RAB31: variants seen among roughly 807,000 people sequenced by gnomAD.
The protein encoded by RAB31 is ras-related protein Rab-31.
In RAB31, 21 loss-of-function variants were observed where a neutral mutation model predicts 25.6. The ratio of observed to expected loss-of-function variants is 0.82; its 90% CI spans 0.58 to 1.18. RAB31 has a LOEUF of 1.18. Ranked by LOEUF, RAB31 falls within the 50% of genes most tolerant of loss-of-function variation. The pLI is 0.00. For synonymous variants in RAB31, 87 were observed against 84.0 expected (o/e 1.04, Z -0.20); for missense variants, 196 against 250.1 (o/e 0.78, Z 1.46).
chr18:9,847,271 T>C (rs977146248), intron 6 of RAB31, among the ~76,000 whole-genome samples: 7 of 152,170 alleles, frequency 4.6e-5, no homozygotes, highest in African/African-American at 1.7e-4. Context: ...TTACAGGTGG[T>C]TTTAATGAAT....
chr18:9,725,106 G>A (rs555474075), intron 1 of RAB31, among the ~76,000 whole-genome samples: 2 of 152,300 alleles, frequency 1.3e-5, no homozygotes, highest in East Asian at 3.9e-4. Flanking sequence ...CTTGTCATAT[G>A]GTGGCTGGTT....
At chr18:9,757,978 AT>A (rs2068268321) in intron 1 of RAB31, 1 of 152,200 alleles carries the variant, frequency 6.6e-6, no homozygotes, top group Non-Finnish European at 1.5e-5. Context: ...AACAACCTTG[AT>A]GTTATCGTAC....
chr18:9,743,445 T>A (rs1422716851), intron 1 of RAB31, among the ~76,000 whole-genome samples: 1 of 152,164 alleles, frequency 6.6e-6, no homozygotes, highest in Non-Finnish European at 1.5e-5. Flanking sequence ...GTATTTAAAG[T>A]TACTGTTATT....
At chr18:9,779,625 G>T (rs2068391661) in intron 2 of RAB31, among the ~76,000 whole-genome samples, 1 of 152,152 alleles carries the variant, frequency 6.6e-6, no homozygotes, top group Admixed American at 6.5e-5. Flanking sequence ...CAATATTTGG[G>T]ACATGTGTAT....
chr18:9,828,521 A>G (rs1275172528), intron 5 of RAB31, among the ~76,000 whole-genome samples: 1 of 152,218 alleles, frequency 6.6e-6, no homozygotes, highest in Non-Finnish European at 1.5e-5. Flanking sequence ...CATAGTGTAC[A>G]CGGTCAAGTT....
chr18:9,812,496 T>C (rs1488649009), intron 3 of RAB31, among the ~76,000 whole-genome samples: 2 of 152,118 alleles, frequency 1.3e-5, no homozygotes, highest in Admixed American at 1.3e-4. Flanking sequence ...ACAGCACAAA[T>C]CTTTTTACAA....
chr18:9,740,616 G>A (rs1329656684), intron 1 of RAB31, among the ~76,000 whole-genome samples: 2 of 152,090 alleles, frequency 1.3e-5, no homozygotes, highest in Admixed American at 6.6e-5. Context: ...AGGAGGCTGA[G>A]GCAGGAGAAT....
At chr18:9,767,271 G>GT (rs1363651652) in intron 1 of RAB31, among the ~76,000 whole-genome samples, 1 of 151,988 alleles carries the variant, frequency 6.6e-6, no homozygotes, top group East Asian at 1.9e-4. Context: ...TTTGTGCTTA[G>GT]TTTTTTTTCT....
At chr18:9,747,100 G>A (rs549156116) in intron 1 of RAB31, among the ~76,000 whole-genome samples, 1 of 152,090 alleles carries the variant, frequency 6.6e-6, no homozygotes, top group Admixed American at 6.6e-5. Context: ...AATGAGCAAA[G>A]GATTTGAATA....
chr18:9,721,827 G>A (rs1167828361), intron 1 of RAB31, among the ~76,000 whole-genome samples: 1 of 152,096 alleles, frequency 6.6e-6, no homozygotes, highest in African/African-American at 2.4e-5. Context: ...GTGGCAGATG[G>A]TGAGGGGTGC....
At chr18:9,811,079 G>GCCGT (rs2068567812) in intron 3 of RAB31, among the ~76,000 whole-genome samples, 1 of 152,326 alleles carries the variant, frequency 6.6e-6, no homozygotes, top group Admixed American at 6.5e-5. Context: ...ACAGTGTTGG[G>GCCGT]CCGTCAGTGA....
intron 1 of RAB31, among the ~76,000 whole-genome samples, chr18:9,761,384 A>G (rs2068287944): frequency 6.6e-6 from 1 of 152,190 alleles, no homozygotes; most frequent in African/African-American, 2.4e-5. Context: ...TAAACCTGTA[A>G]CAAGCCTGGA....
intron 5 of RAB31, among the ~76,000 whole-genome samples, chr18:9,823,522 A>G (rs1362731569): frequency 6.6e-6 from 1 of 152,216 alleles, no homozygotes. Context: ...AAACTGGGCG[A>G]AGTGTATGAG....
intron 1 of RAB31, among the ~76,000 whole-genome samples, chr18:9,717,765 T>G (rs1220507438): frequency 6.6e-6 from 1 of 152,188 alleles, no homozygotes; most frequent in African/African-American, 2.4e-5. Flanking sequence ...CACATAAAAT[T>G]TGCCCACTGC....
chr18:9,786,347 T>C (rs1218135230), intron 2 of RAB31, among the ~76,000 whole-genome samples: 4 of 152,242 alleles, frequency 2.6e-5, no homozygotes, highest in African/African-American at 9.6e-5. Flanking sequence ...ATCTGTATGC[T>C]TTGCAGTATC....
At chr18:9,778,195 C>T (rs1399994565) in intron 2 of RAB31, among the ~76,000 whole-genome samples, 3 of 152,248 alleles carry the variant, frequency 2.0e-5, no homozygotes, top group African/African-American at 7.2e-5. Context: ...GTCACAATCT[C>T]TTGGTCAAAG....
At chr18:9,737,841 AG>A (rs1267485437) in intron 1 of RAB31, among the ~76,000 whole-genome samples, 1 of 152,196 alleles carries the variant, frequency 6.6e-6, no homozygotes, top group African/African-American at 2.4e-5. Context: ...GTCTCTAAAT[AG>A]GTCAGAGGGT....
chr18:9,724,258 G>A (rs1277927187), intron 1 of RAB31, among the ~76,000 whole-genome samples: 5 of 110,156 alleles, frequency 4.5e-5, no homozygotes, highest in Non-Finnish European at 5.2e-5. Context: ...GCGACAGAGC[G>A]AGACTCCGTC....
chr18:9,734,918 CT>C, intron 1 of RAB31: 2 of 319,306 alleles, frequency 6.3e-6, no homozygotes, highest in Admixed American at 3.2e-5. Context: ...GCTTTGGGAG[CT>C]TTCCCTTTCC....
Sources: gnomAD v4.1 joint callset for allele counts (sites outside exome capture counted in the v4.1 genomes callset) on GRCh38, gnomAD v4.1.1 for gene constraint, MANE v1.5 for transcripts, NCBI Gene and HGNC (gene_info 2026-07-23, HGNC 2026-07-21) for gene names.